Variants in PTGER3 observed in about 807,000 individuals in gnomAD.
The protein encoded by PTGER3 is prostaglandin E2 receptor EP3 subtype.
PTGER3 carries 22 observed loss-of-function variants against 34.7 expected under a neutral mutation model. That is an observed-to-expected ratio of 0.63 (90% CI 0.45 to 0.91). The LOEUF is 0.91. Ranked by LOEUF, PTGER3 falls within the 40% of genes least tolerant of loss-of-function variation. The pLI is 0.00. For synonymous variants in PTGER3, 241 were observed against 230.1 expected (o/e 1.05, Z -0.43); for missense variants, 468 against 519.4 (o/e 0.90, Z 0.96).
At chr1:71,033,871 C>G (rs1231966069) in intron 1 of PTGER3, among the ~76,000 whole-genome samples, 1 of 152,040 alleles carries the variant, frequency 6.6e-6, no homozygotes, top group East Asian at 1.9e-4. Context: ...CTGCCGTGGT[C>G]AAGGTAATTT....
At chr1:70,941,841 C>T (rs1481663201) in intron 4 of PTGER3, among the ~76,000 whole-genome samples, 1 of 152,182 alleles carries the variant, frequency 6.6e-6, no homozygotes, top group African/African-American at 2.4e-5. Flanking sequence ...ATCTGTGCTT[C>T]TGACATTGCC....
downstream of PTGER3, among the ~76,000 whole-genome samples, chr1:70,952,088 AAGTGG>A (rs1650815458): frequency 2.6e-5 from 4 of 152,098 alleles, no homozygotes; most frequent in Admixed American, 6.6e-5. Flanking sequence ...TGGTGGGGGC[AAGTGG>A]AGAAGTATTA....
At chr1:70,940,464 C>T (rs919279287) in intron 4 of PTGER3, among the ~76,000 whole-genome samples, 3 of 152,156 alleles carry the variant, frequency 2.0e-5, no homozygotes. Context: ...CTGTATTAGT[C>T]TGTTTTTATG....
intron 2 of PTGER3, among the ~76,000 whole-genome samples, chr1:71,003,841 C>T (rs1280096181): frequency 6.6e-6 from 1 of 152,166 alleles, no homozygotes; most frequent in African/African-American, 2.4e-5. Context: ...TAGAGGCTCT[C>T]ACAGAAGGAT....
rs1368436428 is a variant in PTGER3, at chr1:71,047,000, A to G, written c.578T>C (p.Val193Ala). Residue 193 changes from valine to alanine, a missense_variant, in exon 1 of 4, where the codon GTG (valine) becomes GCG (alanine). By Grantham distance (64) the Val-to-Ala change is moderately conservative. Coordinates refer to ENST00000306666, the MANE Select transcript of PTGER3 (RefSeq NM_198719.2). ...GACGGTGTACTGGCCCACGCCCAGC[A>G]CCGGCAGCAGGGCGAAGGCGAGCAC... ...LAVLAFALLP[V>A]LGVGQYTVQW... 2 of 1,611,514 alleles carry G rather than the reference A, an allele frequency of 1.2e-6. No homozygotes were observed. Among genetic ancestry groups the G allele is most frequent in the Non-Finnish European group, 1.7e-6 (2 of 1,179,182 alleles).
intron 4 of PTGER3, chr1:70,865,974 T>A (rs1367834468): frequency 1.2e-5 from 5 of 406,904 alleles, no homozygotes; most frequent in Admixed American, 3.7e-5. Context: ...AAAGTTCAAC[T>A]CAAGCACTTC....
chr1:70,874,574 G>T, intron 4 of PTGER3, among the ~76,000 whole-genome samples: 1 of 152,020 alleles, frequency 6.6e-6, no homozygotes. Context: ...TCTGGTTCTT[G>T]CCTCACAACT....
intron 4 of PTGER3, among the ~76,000 whole-genome samples, chr1:70,935,979 C>T (rs917479455): frequency 6.6e-6 from 1 of 152,032 alleles, no homozygotes; most frequent in Non-Finnish European, 1.5e-5. Flanking sequence ...AGGACTAACG[C>T]TGTGAGAGCA....
At chr1:71,009,294 A>C (rs1657237701) in intron 2 of PTGER3, 1 of 983,946 alleles carries the variant, frequency 1.0e-6, no homozygotes, top group South Asian at 4.7e-5. Flanking sequence ...TTTCTGCAAC[A>C]TGGTCGGATA....
At position 70,889,276 on chromosome 1, in the gene PTGER3, G is replaced by C. The variant is rs367711962; in HGVS notation, c.*24-36417C>G. ...TAAAAATACAAAAAATTAGCCAGGC[G>C]TGGTGGCGGGTGCCTGTAGTCCCAG... On this transcript the variant is annotated intron_variant, in intron 4 of 4. Transcript: ENST00000370931. 7.6e-4 allele frequency among the ~76,000 whole-genome samples: 116 copies of C among 151,858 alleles called. 2 individuals carry two copies. The East Asian group carries it at 0.022, about 29-fold the overall frequency.
chr1:70,897,095 A>G (rs1646736931), intron 4 of PTGER3, among the ~76,000 whole-genome samples: 1 of 152,060 alleles, frequency 6.6e-6, no homozygotes, highest in Non-Finnish European at 1.5e-5. Flanking sequence ...CTTCCTTTTT[A>G]TATTTGTATT....
At position 70,930,936 on chromosome 1, in the gene PTGER3, C is replaced by T. The variant is rs182218132; in HGVS notation, c.*23+22827G>A. ...AGTTCCCCTAAGTCTTAACCCATTT[C>T]AGCATTAACCCAAAAGTCCACAGTC... is the stretch of plus-strand genomic sequence containing the variant. On this transcript the variant is annotated intron_variant, in intron 4 of 4. Coordinates refer to the PTGER3 transcript ENST00000370931. 5.1e-4 allele frequency among the ~76,000 whole-genome samples: 78 copies of T among 152,252 alleles called. 1 individual carries two copies. In the East Asian group the frequency reaches 0.012, roughly 24 times the overall value.
At position 71,042,919 on chromosome 1, in the gene PTGER3, T is replaced by C. The variant is rs35917467; in HGVS notation, c.897+3762A>G. Among the ~76,000 whole-genome samples the C allele has an allele frequency of 2.5e-3, 382 of 152,330 alleles. 14 individuals are homozygous for C. In the East Asian group the frequency reaches 0.064, roughly 26 times the overall value. On this transcript the variant is annotated intron_variant, in intron 1 of 3. Transcript: ENST00000306666. ...AGGCTGCTTTTATCCAGTTCCAAGA[T>C]TGATGATGAGAAACTGTTTGTTGCT... is the stretch of plus-strand genomic sequence containing the variant.
rs761707830 is a variant in PTGER3 at position 71,009,486 on chromosome 1, TA to T, written c.1077+2818del. The T allele has an allele frequency of 3.0e-3, 2,973 of 982,792 alleles. 3 individuals are homozygous for T. Among genetic ancestry groups the T allele is most frequent in the Non-Finnish European group, 3.4e-3 (2,829 of 827,544 alleles). The allele number at this position is 982,792 out of a possible 1,614,324, so 60.9% of individuals were successfully genotyped here. A position where few individuals can be genotyped will look rare whatever the true frequency, so the allele number is the denominator to read the frequency against. On this transcript the variant is annotated intron_variant, in intron 2 of 3. Coordinates refer to ENST00000306666, the MANE Select transcript of PTGER3 (RefSeq NM_198719.2). ...TGTTTCTTCAACTTCAAGATATTTT[TA>T]AGACATTCATCATACCTATTTTATT...
intron 4 of PTGER3, among the ~76,000 whole-genome samples, chr1:70,908,408 G>A (rs1646994021): frequency 6.6e-6 from 1 of 152,146 alleles, no homozygotes; most frequent in African/African-American, 2.4e-5. Context: ...ACAGGAGGCG[G>A]TGTACTGATA....
intron 4 of PTGER3, among the ~76,000 whole-genome samples, chr1:70,929,922 C>G (rs1356759629): frequency 6.6e-6 from 1 of 152,140 alleles, no homozygotes; most frequent in Non-Finnish European, 1.5e-5. Context: ...AACTATATTA[C>G]TCAAAAAATA....
At chr1:70,869,856 G>T (rs1225054017) in intron 4 of PTGER3, among the ~76,000 whole-genome samples, 3 of 152,174 alleles carry the variant, frequency 2.0e-5, no homozygotes, top group Non-Finnish European at 4.4e-5. Flanking sequence ...GGTTGGAGTT[G>T]CATGTCTGTG....
chr1:71,047,488 G>A lies in PTGER3; in HGVS notation c.90C>T (p.Ser30=), dbSNP rs1189318785. ...SYTGMWAPER[S]AEARGNLTRP... is the part of the protein sequence containing the mutation. ...GCGTGAGGTTGCCCCGCGCCTCGGC[G>A]GAACGCTCGGGCGCCCACATGCCTG... Residue 30 remains serine (S), a synonymous_variant, in exon 1 of 4, where the codon TCC becomes TCT. Coordinates refer to ENST00000306666, the MANE Select transcript of PTGER3 (RefSeq NM_198719.2). The A allele has an allele frequency of 5.6e-6, 9 of 1,605,714 alleles. No individual in the cohort carries two copies. The highest frequency in any genetic ancestry group is 2.2e-5 in the East Asian group (1 of 44,522).
intron 2 of PTGER3, among the ~76,000 whole-genome samples, chr1:70,996,922 A>G (rs541313783): frequency 3.3e-5 from 5 of 152,242 alleles, no homozygotes; most frequent in Admixed American, 3.3e-4. Context: ...TTGGCCTCCA[A>G]AAGTGCTGGG....
Sources: gnomAD v4.1 joint callset for allele counts (sites outside exome capture counted in the v4.1 genomes callset) on GRCh38, gnomAD v4.1.1 for gene constraint, MANE v1.5 for transcripts, NCBI Gene and HGNC (gene_info 2026-07-23, HGNC 2026-07-21) for gene names.